Variants in CWC27 observed in about 807,000 individuals in gnomAD.
The protein encoded by CWC27 is spliceosome-associated protein CWC27 homolog.
In CWC27, 47 loss-of-function variants were observed where a neutral mutation model predicts 63.6. The observed-to-expected ratio is 0.74, with a 90% CI of 0.58 to 0.94. The LOEUF (loss-of-function observed/expected upper bound fraction) is 0.94, where lower values mean the gene tolerates loss of function less well. CWC27 is among the 40% of genes least tolerant of loss of function. The pLI, the probability that CWC27 is intolerant of heterozygous loss-of-function variation, is 0.00. For synonymous variants in CWC27, 175 were observed against 179.8 expected, an observed-to-expected ratio of 0.97 and a Z score of 0.22; for missense variants, 495 against 554.3, an observed-to-expected ratio of 0.89 and a Z score of 1.07.
intron 11 of CWC27, among the ~76,000 whole-genome samples, chr5:64,942,545 G>A (rs1748506250): frequency 6.6e-6 from 1 of 151,310 alleles, no homozygotes. Flanking sequence ...TATATTTAAG[G>A]CAAACCTGGA....
At chr5:65,016,354 T>G (rs561582998) in intron 13 of CWC27, among the ~76,000 whole-genome samples, 1 of 152,112 alleles carries the variant, frequency 6.6e-6, no homozygotes, top group Non-Finnish European at 1.5e-5. Flanking sequence ...AATAATATAG[T>G]TCTAAGCATG....
intron 11 of CWC27, among the ~76,000 whole-genome samples, chr5:64,913,585 T>A (rs1028230207): frequency 2.0e-5 from 3 of 151,954 alleles, no homozygotes; most frequent in Non-Finnish European, 4.4e-5. Flanking sequence ...ATTTAGAAAA[T>A]GAAATTTTGA....
intron 11 of CWC27, among the ~76,000 whole-genome samples, chr5:64,936,082 AC>A (rs1748346611): frequency 6.6e-6 from 1 of 152,066 alleles, no homozygotes; most frequent in Admixed American, 6.6e-5. Context: ...CTATTTGAAT[AC>A]CCTTTATTTA....
chr5:64,838,504 C>A, intron 10 of CWC27, among the ~76,000 whole-genome samples: 1 of 152,150 alleles, frequency 6.6e-6, no homozygotes, highest in Non-Finnish European at 1.5e-5. Flanking sequence ...TGGGCTATTG[C>A]ATTTTCATCA....
intron 11 of CWC27, among the ~76,000 whole-genome samples, chr5:64,917,001 A>G (rs1376691822): frequency 6.6e-6 from 1 of 151,926 alleles, no homozygotes; most frequent in East Asian, 1.9e-4. Flanking sequence ...TCAGGACCTC[A>G]GGTGGTATTT....
intron 10 of CWC27, among the ~76,000 whole-genome samples, chr5:64,855,288 T>C (rs1253720287): frequency 4.6e-5 from 7 of 152,154 alleles, no homozygotes. Flanking sequence ...CAGTAGTATT[T>C]TATTTGCAGT....
chr5:65,001,397 G>A (rs535742016), intron 13 of CWC27, among the ~76,000 whole-genome samples: 2 of 152,206 alleles, frequency 1.3e-5, no homozygotes, highest in South Asian at 4.1e-4. Flanking sequence ...TCTTGTTCCA[G>A]TTCTTAGAGG....
chr5:64,906,810 C>G (rs1223198805), intron 11 of CWC27, among the ~76,000 whole-genome samples: 5 of 152,178 alleles, frequency 3.3e-5, no homozygotes, highest in Non-Finnish European at 5.9e-5. Flanking sequence ...TTAGGTCTAA[C>G]ATTTAAGTCT....
At chr5:64,922,331 T>A (rs1748013768) in intron 11 of CWC27, among the ~76,000 whole-genome samples, 1 of 152,080 alleles carries the variant, frequency 6.6e-6, no homozygotes, top group Non-Finnish European at 1.5e-5. Flanking sequence ...GTTCATTTTT[T>A]ACATTCTTTT....
At chr5:64,916,876 GTAGTAGTAT>G (rs1281438783) in intron 11 of CWC27, among the ~76,000 whole-genome samples, 3 of 135,548 alleles carry the variant, frequency 2.2e-5, no homozygotes, top group Non-Finnish European at 1.5e-5. Context: ...TTTGGTGGCA[GTAGTAGTAT>G]TAGTAGTAGT....
intron 11 of CWC27, among the ~76,000 whole-genome samples, chr5:64,896,646 C>T (rs1385164073): frequency 6.7e-6 from 1 of 149,748 alleles, no homozygotes; most frequent in Non-Finnish European, 1.5e-5. Flanking sequence ...GTCTTAACTT[C>T]CAAACCAGTA....
At chr5:64,829,849 T>G (rs1745466728) in intron 10 of CWC27, among the ~76,000 whole-genome samples, 1 of 151,484 alleles carries the variant, frequency 6.6e-6, no homozygotes, top group Non-Finnish European at 1.5e-5. Flanking sequence ...TGTGTCCATG[T>G]GTTATCATTG....
Position 64,929,176 on chromosome 5 carries a change from A to G in CWC27, c.1043-42527A>G, listed in dbSNP as rs555718172. Among the ~76,000 whole-genome samples the G allele has an allele frequency of 5.9e-5, 9 of 152,268 alleles. No homozygotes were observed. In the East Asian group the frequency reaches 1.7e-3, roughly 29 times the overall value. On this transcript the variant is annotated intron_variant, in intron 11 of 13. Transcript: ENST00000381070. ...ATGTGGATGGATTGGGTTTGAATGAACTTAATGATTTCTTAGGCATATCCT... is the reference window on the plus strand; with the variant it reads ...ATGTGGATGGATTGGGTTTGAATGAGCTTAATGATTTCTTAGGCATATCCT...
At chr5:64,908,904 G>A (rs1259754673) in intron 11 of CWC27, among the ~76,000 whole-genome samples, 2 of 152,178 alleles carry the variant, frequency 1.3e-5, no homozygotes, top group East Asian at 3.9e-4. Flanking sequence ...ATATTGTTAT[G>A]TGTGAATTTC....
chr5:64,873,389 T>A (rs1048367327), intron 10 of CWC27, among the ~76,000 whole-genome samples: 6 of 152,078 alleles, frequency 3.9e-5, no homozygotes, highest in African/African-American at 1.4e-4. Context: ...AAATAGGTCT[T>A]CTCTGTGATA....
At chr5:64,967,503 C>T (rs1468520512) in intron 11 of CWC27, among the ~76,000 whole-genome samples, 1 of 151,844 alleles carries the variant, frequency 6.6e-6, no homozygotes, top group African/African-American at 2.4e-5. Flanking sequence ...AGTTAGAGGG[C>T]TTACACTAAC....
At chr5:64,852,211 T>A (rs1746148564) in intron 10 of CWC27, among the ~76,000 whole-genome samples, 1 of 152,252 alleles carries the variant, frequency 6.6e-6, no homozygotes, top group Non-Finnish European at 1.5e-5. Context: ...TATTTGGTCA[T>A]GTTTTTATGT....
intron 11 of CWC27, among the ~76,000 whole-genome samples, chr5:64,948,321 AT>A (rs1468122120): frequency 6.6e-6 from 1 of 151,998 alleles, no homozygotes; most frequent in South Asian, 2.1e-4. Context: ...GATATTTCAA[AT>A]TTTTTTGTAT....
At chr5:64,855,978 A>C (rs574514360) in intron 10 of CWC27, among the ~76,000 whole-genome samples, 1 of 152,244 alleles carries the variant, frequency 6.6e-6, no homozygotes, top group African/African-American at 2.4e-5. Context: ...AAATTCAGCT[A>C]TCAGGAAGAA....
Sources: gnomAD v4.1 joint callset for allele counts (sites outside exome capture counted in the v4.1 genomes callset) on GRCh38, gnomAD v4.1.1 for gene constraint, MANE v1.5 for transcripts, NCBI Gene and HGNC (gene_info 2026-07-23, HGNC 2026-07-21) for gene names.